NFX1: variants seen among roughly 807,000 people sequenced by gnomAD.
NFX1 encodes the protein transcriptional repressor NF-X1.
In NFX1, 69 loss-of-function variants were observed where a neutral mutation model predicts 137.2. That is an observed-to-expected ratio of 0.50 (90% confidence interval 0.41 to 0.61). NFX1 has a LOEUF of 0.61. Among genes scored for constraint, NFX1 ranks in the 20% least tolerant of loss-of-function variants. NFX1 has a pLI of 0.00. For missense variants in NFX1, 1,167 were observed against 1,391.0 expected, an observed-to-expected ratio of 0.84 and a Z score of 2.56; for synonymous variants, 495 against 474.1, an observed-to-expected ratio of 1.04 and a Z score of -0.57.
In NFX1 at chr9:33,355,641, C is replaced by CT. The variant is rs35866452; in HGVS notation, c.2873+769dup. Among the ~76,000 whole-genome samples, 413 of 92,176 alleles carry CT rather than the reference C, an allele frequency of 4.5e-3. 4 individuals carry two copies. The highest frequency in any genetic ancestry group is 4.8e-3 in the Non-Finnish European group (227 of 46,968). 60.5% of individuals were successfully genotyped at this position (92,176 alleles called of 152,430 possible). On this transcript the variant is annotated intron_variant, in intron 19 of 23. Coordinates refer to ENST00000379540, the MANE Select transcript of NFX1 (RefSeq NM_002504.6). Reference sequence around the variant, plus strand: ...ATTACAAATAAAACTGTTAAGAATTCTTTTTTTTTTTTTTTTTTTTGAGAT... The same window carrying CT: ...ATTACAAATAAAACTGTTAAGAATTCTTTTTTTTTTTTTTTTTTTTTGAGAT...
chr9:33,319,175 T>C, intron 9 of NFX1, 48 bp downstream of exon 9: 1 of 1,523,138 alleles, frequency 6.6e-7, no homozygotes, highest in East Asian at 2.3e-5. Flanking sequence ...TTGTAAATGG[T>C]TGGCAGCAGT....
intron 9 of NFX1, among the ~76,000 whole-genome samples, chr9:33,320,528 A>G (rs1389373395): frequency 6.6e-6 from 1 of 152,152 alleles, no homozygotes; most frequent in East Asian, 1.9e-4. Flanking sequence ...TTGCCTGTCT[A>G]CTTTTAGTAA....
chr9:33,328,097 A>G (rs560207628), intron 9 of NFX1, among the ~76,000 whole-genome samples: 50 of 152,176 alleles, frequency 3.3e-4, no homozygotes, highest in African/African-American at 1.2e-3. Context: ...TGTAGCCTCA[A>G]CGTCCCATGC....
chr9:33,331,309 C>T (rs1822798119), intron 10 of NFX1, among the ~76,000 whole-genome samples: 1 of 152,142 alleles, frequency 6.6e-6, no homozygotes, highest in Non-Finnish European at 1.5e-5. Context: ...TAAAACATTT[C>T]TTAAAACTTC....
chr9:33,300,245 A>G (rs1445137962), intron 2 of NFX1, among the ~76,000 whole-genome samples: 1 of 151,596 alleles, frequency 6.6e-6, no homozygotes, highest in Non-Finnish European at 1.5e-5. Flanking sequence ...TTGTATTCTT[A>G]GTAGAGATGG....
intron 21 of NFX1, among the ~76,000 whole-genome samples, chr9:33,366,417 G>A (rs899586827): frequency 1.3e-5 from 2 of 152,150 alleles, no homozygotes; most frequent in Non-Finnish European, 2.9e-5. Flanking sequence ...AGCTGCGACT[G>A]TTGTGGCTCA....
At chr9:33,291,299 T>C (rs947225436) in intron 1 of NFX1, among the ~76,000 whole-genome samples, 1 of 152,240 alleles carries the variant, frequency 6.6e-6, no homozygotes, top group African/African-American at 2.4e-5. Flanking sequence ...CGACCTTAAA[T>C]ATTGTACACT....
chr9:33,362,692 G>GTT lies in NFX1; in HGVS notation c.2874-1291_2874-1290dup, dbSNP rs750544815. On this transcript the variant is annotated intron_variant, in intron 19 of 23. Transcript: ENST00000379540. ...TAGATGGTAGTAATAAGTTCCTGTG[G>GTT]TTTTTTTTTTTTTTTTTTTTTTTTT... Among the ~76,000 whole-genome samples the GTT allele has an allele frequency of 1.3e-3, 122 of 96,332 alleles. 6 individuals are homozygous for GTT. The highest frequency in any genetic ancestry group is 0.011 in the East Asian group (32 of 2,840). The allele number at this position is 96,332 out of a possible 152,430, so 63.2% of individuals were successfully genotyped here. A position where few individuals can be genotyped will look rare whatever the true frequency, so the allele number is the denominator to read the frequency against.
intron 1 of NFX1, among the ~76,000 whole-genome samples, chr9:33,293,510 A>G (rs1821235577): frequency 6.6e-6 from 1 of 152,242 alleles, no homozygotes; most frequent in South Asian, 2.1e-4. Context: ...ATTACATGTA[A>G]GGAAAATGGG....
chr9:33,311,842 C>T (rs757796283), intron 6 of NFX1, among the ~76,000 whole-genome samples: 4 of 152,126 alleles, frequency 2.6e-5, no homozygotes, highest in South Asian at 2.1e-4. Flanking sequence ...TGAGCTACCG[C>T]GCTCGGTCGG....
chr9:33,336,067 G>A (rs980939250), intron 11 of NFX1, among the ~76,000 whole-genome samples: 1 of 152,078 alleles, frequency 6.6e-6, no homozygotes, highest in African/African-American at 2.4e-5. Flanking sequence ...TAGAATTGCT[G>A]GATCCAATGG....
chr9:33,342,505 GACT>G (rs1464679809), intron 12 of NFX1, among the ~76,000 whole-genome samples: 4 of 152,196 alleles, frequency 2.6e-5, no homozygotes, highest in African/African-American at 9.6e-5. Flanking sequence ...GAAGCAGAGA[GACT>G]ACTAGTATAG....
At chr9:33,348,813 G>C (rs1292055756) in intron 15 of NFX1, 2 of 982,346 alleles carry the variant, frequency 2.0e-6, no homozygotes, top group Non-Finnish European at 2.4e-6. Context: ...ACCACCAGAC[G>C]TGGTACACAT....
At chr9:33,363,933 A>G (rs1345091513) in intron 19 of NFX1, 77 bp from the exon 20 acceptor site, 2 of 867,848 alleles carry the variant, frequency 2.3e-6, no homozygotes, top group African/African-American at 3.5e-5. Context: ...AATTTAGGAT[A>G]TAGTAGGCAC....
rs185866251 is a variant in NFX1, at chr9:33,337,480, A to G, written c.2036-1030A>G. ...CCAAAAGTTTGTACACCCATCTACT[A>G]AGATGAGCATGGCTTCTCCTCCACA... On this transcript the variant is annotated intron_variant, in intron 11 of 23. Transcript: ENST00000379540. Among the ~76,000 whole-genome samples the G allele has an allele frequency of 1.0e-3, 154 of 152,340 alleles. 1 individual carries two copies. Among genetic ancestry groups the G allele is most frequent in the Non-Finnish European group, 1.6e-3 (106 of 68,036 alleles).
chr9:33,306,980 TA>T (rs1202890721), intron 4 of NFX1, among the ~76,000 whole-genome samples: 1 of 152,272 alleles, frequency 6.6e-6, no homozygotes, highest in Non-Finnish European at 1.5e-5. Context: ...CTTTCCCAGG[TA>T]ATCCAAGATT....
intron 4 of NFX1, among the ~76,000 whole-genome samples, 187 bp downstream of exon 4, chr9:33,303,455 T>C (rs1321296970): frequency 1.3e-5 from 2 of 148,626 alleles, no homozygotes; most frequent in Admixed American, 6.6e-5. Flanking sequence ...CCTGGCAAGC[T>C]GTTCTGGAGA....
intron 5 of NFX1, among the ~76,000 whole-genome samples, chr9:33,310,786 C>G (rs1257869517): frequency 6.6e-6 from 1 of 152,152 alleles, no homozygotes; most frequent in African/African-American, 2.4e-5. Flanking sequence ...CTATTTTTAT[C>G]CCCACACACT....
At chr9:33,316,391 A>G (rs755605902) in intron 7 of NFX1, among the ~76,000 whole-genome samples, 1 of 151,066 alleles carries the variant, frequency 6.6e-6, no homozygotes, top group Non-Finnish European at 1.5e-5. Flanking sequence ...AGTAGCTGGC[A>G]CTACAGATGC....
Sources: allele counts gnomAD v4.1 joint callset (sites outside exome capture counted in the v4.1 genomes callset), GRCh38; gene constraint gnomAD v4.1.1; transcripts MANE v1.5; gene names NCBI Gene and HGNC (gene_info 2026-07-23, HGNC 2026-07-21).